FNDC3B: variants seen among roughly 807,000 people sequenced by gnomAD.
FNDC3B encodes fibronectin type III domain containing 3B.
Under a neutral mutation model 151.5 loss-of-function variants are expected in FNDC3B, and 12 were observed. That is an observed-to-expected ratio of 0.08 (90% CI 0.05 to 0.13). The LOEUF (loss-of-function observed/expected upper bound fraction) is 0.13, where lower values mean the gene tolerates loss of function less well. Ranked by LOEUF, FNDC3B falls within the 10% of genes least tolerant of loss-of-function variation. FNDC3B has a pLI of 1.00. For missense variants in FNDC3B, 1,214 were observed against 1,505.3 expected, an observed-to-expected ratio of 0.81 and a Z score of 3.20; for synonymous variants, 528 against 549.0, an observed-to-expected ratio of 0.96 and a Z score of 0.54.
intron 23 of FNDC3B, among the ~76,000 whole-genome samples, chr3:172,371,507 A>G (rs930679342): frequency 6.6e-6 from 1 of 152,256 alleles, no homozygotes; most frequent in African/African-American, 2.4e-5. Flanking sequence ...AAGATATTAC[A>G]GTCAAAGCTC....
At chr3:172,234,263 A>T (rs1727028619) in intron 4 of FNDC3B, among the ~76,000 whole-genome samples, 1 of 152,196 alleles carries the variant, frequency 6.6e-6, no homozygotes, top group Non-Finnish European at 1.5e-5. Flanking sequence ...TCACTTGTTT[A>T]CTTGATCATT....
At chr3:172,198,587 T>A (rs1724971948) in intron 3 of FNDC3B, among the ~76,000 whole-genome samples, 1 of 152,162 alleles carries the variant, frequency 6.6e-6, no homozygotes, top group Non-Finnish European at 1.5e-5. Context: ...CATCTTTCCC[T>A]CACACCCTAG....
chr3:172,150,121 CG>C (rs1559989569), intron 3 of FNDC3B, among the ~76,000 whole-genome samples: 1 of 151,912 alleles, frequency 6.6e-6, no homozygotes, highest in Non-Finnish European at 1.5e-5. Flanking sequence ...CCAGCCATGT[CG>C]GGTGCTTTCT....
intron 2 of FNDC3B, among the ~76,000 whole-genome samples, chr3:172,117,737 A>G (rs1183242711): frequency 6.6e-6 from 1 of 152,198 alleles, no homozygotes; most frequent in African/African-American, 2.4e-5. Context: ...TGGATTAGAT[A>G]CCTCTTTGAC....
intron 11 of FNDC3B, among the ~76,000 whole-genome samples, chr3:172,323,016 A>C (rs979917611): frequency 7.2e-6 from 1 of 138,370 alleles, no homozygotes; most frequent in African/African-American, 3.0e-5. Context: ...TAGTGCAGCA[A>C]AGTGTTTTAG....
intron 7 of FNDC3B, among the ~76,000 whole-genome samples, chr3:172,289,851 T>A (rs1730231019): frequency 6.6e-6 from 1 of 152,244 alleles, no homozygotes; most frequent in African/African-American, 2.4e-5. Flanking sequence ...CTGTTACCTG[T>A]CTTTGTGACC....
intron 12 of FNDC3B, chr3:172,329,815 A>G (rs1168678316): frequency 6.6e-6 from 1 of 152,242 alleles, no homozygotes; most frequent in African/African-American, 2.4e-5. Context: ...TAGCCATTAC[A>G]GCTTCAGAGT....
chr3:172,078,496 T>C (rs1477846021), intron 1 of FNDC3B, among the ~76,000 whole-genome samples: 1 of 152,188 alleles, frequency 6.6e-6, no homozygotes, highest in Admixed American at 6.5e-5. Flanking sequence ...GGTCGCTGCA[T>C]CAGAAGAAGG....
chr3:172,390,393 G>A (rs1275012762), intron 25 of FNDC3B, among the ~76,000 whole-genome samples: 1 of 152,034 alleles, frequency 6.6e-6, no homozygotes. Flanking sequence ...AGAAAAATAG[G>A]ATTCCTTTAT....
At chr3:172,292,854 C>G (rs1224427671) in intron 7 of FNDC3B, among the ~76,000 whole-genome samples, 1 of 152,184 alleles carries the variant, frequency 6.6e-6, no homozygotes, top group East Asian at 1.9e-4. Flanking sequence ...GAAATGCTGT[C>G]TTAAAATCTA....
At chr3:172,358,867 A>G (rs1025419809) in intron 22 of FNDC3B, among the ~76,000 whole-genome samples, 6 of 152,108 alleles carry the variant, frequency 3.9e-5, no homozygotes, top group African/African-American at 7.2e-5. Context: ...AAAGTGTTCA[A>G]TAATTTCCCC....
intron 7 of FNDC3B, among the ~76,000 whole-genome samples, chr3:172,289,102 G>A (rs1250803677): frequency 6.6e-6 from 1 of 152,180 alleles, no homozygotes; most frequent in Non-Finnish European, 1.5e-5. Flanking sequence ...AGTCCAAAAT[G>A]TCTCTGGCTA....
chr3:172,093,383 C>T (rs935311353), intron 1 of FNDC3B, among the ~76,000 whole-genome samples: 15 of 151,836 alleles, frequency 9.9e-5, no homozygotes, highest in African/African-American at 1.9e-4. Context: ...CTCAGCCTCC[C>T]GAGTAGCTGG....
chr3:172,116,274 A>AT (rs1246454061), intron 2 of FNDC3B, among the ~76,000 whole-genome samples: 1 of 152,244 alleles, frequency 6.6e-6, no homozygotes, highest in African/African-American at 2.4e-5. Flanking sequence ...CTGAGGTATA[A>AT]TTCACATGTC....
At chr3:172,199,235 A>G (rs1725004765) in intron 3 of FNDC3B, among the ~76,000 whole-genome samples, 2 of 149,878 alleles carry the variant, frequency 1.3e-5, no homozygotes, top group Admixed American at 6.7e-5. Context: ...GCTGGAGTGC[A>G]GTGGCGCGAT....
chr3:172,254,187 A>G (rs986320697), intron 6 of FNDC3B, among the ~76,000 whole-genome samples: 6 of 152,254 alleles, frequency 3.9e-5, no homozygotes, highest in Non-Finnish European at 4.4e-5. Context: ...AGAAGCAAAC[A>G]ACTCATGTTA....
chr3:172,175,392 G>T (rs762509175), intron 3 of FNDC3B, among the ~76,000 whole-genome samples: 6 of 152,046 alleles, frequency 3.9e-5, no homozygotes, highest in Admixed American at 2.0e-4. Flanking sequence ...GCGGATGGGC[G>T]GGTGGTGGGG....
rs1725072699 is a variant in FNDC3B, at chr3:172,200,175, G to T, written c.188-26696G>T. Among the ~76,000 whole-genome samples the T allele has an allele frequency of 2.0e-5, 3 of 152,148 alleles. No homozygotes were observed. The South Asian group carries it at 6.2e-4, about 32-fold the overall frequency. ...CACATACCCACACTCACTTAGACTG[G>T]ACAGTTTAGACACACCAGTGCACCT... is the stretch of plus-strand genomic sequence containing the variant. On this transcript the variant is annotated intron_variant, in intron 3 of 25. Transcript: ENST00000415807.
intron 13 of FNDC3B, among the ~76,000 whole-genome samples, chr3:172,331,506 C>T (rs981298974): frequency 2.0e-5 from 3 of 152,082 alleles, no homozygotes; most frequent in Non-Finnish European, 4.4e-5. Flanking sequence ...TACAGGCGCC[C>T]GCCACCACAC....
Sources: allele counts gnomAD v4.1 joint callset (sites outside exome capture counted in the v4.1 genomes callset), GRCh38; gene constraint gnomAD v4.1.1; transcripts MANE v1.5; gene names NCBI Gene and HGNC (gene_info 2026-07-23, HGNC 2026-07-21).